EEIG2: variants seen among roughly 807,000 people sequenced by gnomAD.
The protein encoded by EEIG2 is EEIG family member 2.
At chr1:108,606,080 A>G in the EEIG2 span, 1 of 455,528 alleles carries the variant, frequency 2.2e-6, no homozygotes, top group Admixed American at 4.3e-5. Flanking sequence ...GGGAGTCTAA[A>G]TAGTTGGATT....
chr1:108,605,109 A>G, the EEIG2 span, among the ~76,000 whole-genome samples: 3 of 152,288 alleles, frequency 2.0e-5, no homozygotes, highest in Non-Finnish European at 2.9e-5. Context: ...TGAAACCCCA[A>G]TTGGAGTGGG....
chr1:108,628,330 G>T, the EEIG2 span: 30 of 1,611,018 alleles, frequency 1.9e-5, no homozygotes, highest in East Asian at 6.0e-4. Flanking sequence ...GTGGTGTGGG[G>T]GAACGATGTC....
the EEIG2 span, among the ~76,000 whole-genome samples, chr1:108,618,247 A>G: frequency 6.6e-6 from 1 of 152,334 alleles, no homozygotes; most frequent in East Asian, 1.9e-4. Context: ...GGCAGAGAAC[A>G]TGGCTACTGA....
At chr1:108,628,118 C>T in the EEIG2 span, 4 of 1,493,912 alleles carry the variant, frequency 2.7e-6, no homozygotes, top group Non-Finnish European at 3.7e-6. Context: ...ACAAATTGAC[C>T]ATTAACTTTT....
At chr1:108,591,588 G>A in the EEIG2 span, among the ~76,000 whole-genome samples, 2 of 152,132 alleles carry the variant, frequency 1.3e-5, no homozygotes, top group African/African-American at 4.8e-5. Flanking sequence ...CAGAGAGAAC[G>A]GGAAATGAGG....
chr1:108,587,111 C>T, the EEIG2 span, among the ~76,000 whole-genome samples: 1 of 152,126 alleles, frequency 6.6e-6, no homozygotes, highest in African/African-American at 2.4e-5. Flanking sequence ...CCTTCCTACA[C>T]AATGCTTAGT....
the EEIG2 span, among the ~76,000 whole-genome samples, chr1:108,578,578 C>G: frequency 6.7e-6 from 1 of 149,930 alleles, no homozygotes; most frequent in Non-Finnish European, 1.5e-5. Flanking sequence ...TTGTCTTTGG[C>G]TCTGTTTATA....
chr1:108,596,833 G>T, the EEIG2 span, among the ~76,000 whole-genome samples: 623 of 152,014 alleles, frequency 4.1e-3, 6 homozygotes, highest in African/African-American at 0.015. Context: ...TGAACTGTTG[G>T]ACTCAAGTGA....
the EEIG2 span, among the ~76,000 whole-genome samples, chr1:108,634,770 A>G: frequency 6.6e-6 from 1 of 152,212 alleles, no homozygotes; most frequent in African/African-American, 2.4e-5. Flanking sequence ...GCCAGAGTCA[A>G]CATATGCTCT....
At chr1:108,561,093 G>A in the EEIG2 span, among the ~76,000 whole-genome samples, 1 of 152,172 alleles carries the variant, frequency 6.6e-6, no homozygotes, top group Non-Finnish European at 1.5e-5. Flanking sequence ...ATCAGAGAGC[G>A]GCGTCTCCAG....
the EEIG2 span, among the ~76,000 whole-genome samples, chr1:108,621,983 C>T: frequency 2.0e-5 from 3 of 152,100 alleles, no homozygotes; most frequent in Non-Finnish European, 2.9e-5. Flanking sequence ...ATGGCGAAAC[C>T]GTGTCTCTAC....
the EEIG2 span, chr1:108,616,295 T>C: frequency 2.4e-6 from 2 of 850,100 alleles, 1 homozygote; most frequent in Non-Finnish European, 3.9e-6. Flanking sequence ...ATTTAATGCT[T>C]TCCCAATAGA....
chr1:108,632,887 A>C, the EEIG2 span, among the ~76,000 whole-genome samples: 1 of 151,160 alleles, frequency 6.6e-6, no homozygotes, highest in Non-Finnish European at 1.5e-5. Context: ...TGCAGCCTTC[A>C]ACCCCGGGCT....
the EEIG2 span, among the ~76,000 whole-genome samples, chr1:108,618,379 T>C: frequency 3.9e-5 from 6 of 152,038 alleles, no homozygotes; most frequent in African/African-American, 1.5e-4. Context: ...AGGAAGGGGT[T>C]TGAAGAAAGG....
At chr1:108,631,052 CAT>C in the EEIG2 span, 13 of 281,862 alleles carry the variant, frequency 4.6e-5, no homozygotes, top group African/African-American at 2.9e-4. Context: ...AAGAGAGAGA[CAT>C]ATAAAGCTAC....
At chr1:108,579,591 T>C in the EEIG2 span, among the ~76,000 whole-genome samples, 2 of 150,890 alleles carry the variant, frequency 1.3e-5, no homozygotes, top group Admixed American at 1.3e-4. Context: ...CAAGCGGACC[T>C]AATAGACATC....
At chr1:108,577,960 C>T in the EEIG2 span, among the ~76,000 whole-genome samples, 1 of 151,080 alleles carries the variant, frequency 6.6e-6, no homozygotes, top group Non-Finnish European at 1.5e-5. Flanking sequence ...TTGTTTGTAT[C>T]CTCTTTTATT....
the EEIG2 span, among the ~76,000 whole-genome samples, chr1:108,564,697 CT>C: frequency 6.6e-6 from 1 of 152,132 alleles, no homozygotes; most frequent in Admixed American, 6.5e-5. Context: ...AATCCCAGCA[CT>C]TTGGGAGGCC....
the EEIG2 span, among the ~76,000 whole-genome samples, chr1:108,590,007 G>GTGTATC: frequency 6.6e-6 from 1 of 151,942 alleles, no homozygotes; most frequent in Non-Finnish European, 1.5e-5. Flanking sequence ...TTCTAGGTCT[G>GTGTATC]TGTATCTGTC....
Sources: allele counts gnomAD v4.1 joint callset (sites outside exome capture counted in the v4.1 genomes callset), GRCh38; gene constraint gnomAD v4.1.1; transcripts MANE v1.5; gene names NCBI Gene and HGNC (gene_info 2026-07-23, HGNC 2026-07-21).